ABCD3: variants seen among roughly 807,000 people sequenced by gnomAD.
The protein encoded by ABCD3 is ATP binding cassette subfamily D member 3, also known as ATP-binding cassette sub-family D member 3.
Under a neutral mutation model 105.5 loss-of-function variants are expected in ABCD3, and 41 were observed. That is an observed-to-expected ratio of 0.39 (90% CI 0.30 to 0.50). ABCD3 has a LOEUF of 0.50. Among genes scored for constraint, ABCD3 ranks in the 20% least tolerant of loss-of-function variants. The pLI, the probability that ABCD3 is intolerant of heterozygous loss-of-function variation, is 0.84. For missense variants in ABCD3, 622 were observed against 806.3 expected, an observed-to-expected ratio of 0.77 and a Z score of 2.77; for synonymous variants, 258 against 269.0, an observed-to-expected ratio of 0.96 and a Z score of 0.40.
intron 1 of ABCD3, among the ~76,000 whole-genome samples, chr1:94,451,073 C>A (rs191007684): frequency 2.2e-4 from 33 of 152,160 alleles, no homozygotes; most frequent in African/African-American, 7.7e-4. Context: ...TTAGAAATTT[C>A]ATTTGGTTTT....
At chr1:94,461,753 T>C (rs1291724229) in intron 2 of ABCD3, among the ~76,000 whole-genome samples, 1 of 152,170 alleles carries the variant, frequency 6.6e-6, no homozygotes, top group Non-Finnish European at 1.5e-5. Context: ...TATGGTATTA[T>C]AAACGAGTAC....
chr1:94,465,781 A>G (rs1308133920), intron 3 of ABCD3, among the ~76,000 whole-genome samples: 1 of 152,172 alleles, frequency 6.6e-6, no homozygotes, highest in African/African-American at 2.4e-5. Context: ...GATTATCTTC[A>G]TTATTTGATA....
intron 22 of ABCD3, 46 bp from the exon 23 acceptor site, chr1:94,517,006 T>C (rs1650949157): frequency 8.0e-7 from 1 of 1,252,762 alleles, no homozygotes; most frequent in African/African-American, 1.5e-5. Flanking sequence ...GACAGTACTA[T>C]ATTCACTCTT....
chr1:94,479,831 CCTTT>C (rs761244375), intron 8 of ABCD3, among the ~76,000 whole-genome samples: 14 of 151,872 alleles, frequency 9.2e-5, no homozygotes, highest in Non-Finnish European at 1.6e-4. Flanking sequence ...TTCAAGCATA[CCTTT>C]CTTTTTCTCT....
intron 16 of ABCD3, among the ~76,000 whole-genome samples, chr1:94,496,723 T>TTTTTTTTG (rs1649823689): frequency 1.1e-5 from 1 of 87,050 alleles, no homozygotes; most frequent in Non-Finnish European, 2.3e-5. Flanking sequence ...TTTTTTTTTT[T>TTTTTTTTG]GAATAGGATA....
chr1:94,446,797 A>C lies in ABCD3; in HGVS notation c.111-11810A>C, dbSNP rs188715623. On this transcript the variant is annotated intron_variant, in intron 1 of 22. Transcript: ENST00000370214. ...TAGTTGGAGTTGGTAAAGCCCCTGA[A>C]GTATATCAAAGTAGTTATATTTTGC... Among the ~76,000 whole-genome samples, 862 of 152,334 alleles carry C rather than the reference A, an allele frequency of 5.7e-3. 9 individuals are homozygous for C. The highest frequency in any genetic ancestry group is 0.02 in the African/African-American group (812 of 41,572).
intron 13 of ABCD3, among the ~76,000 whole-genome samples, chr1:94,488,948 G>A (rs1649402383): frequency 6.6e-6 from 1 of 151,372 alleles, no homozygotes; most frequent in Non-Finnish European, 1.5e-5. Context: ...TGACATATAA[G>A]AAACTGTTCA....
At position 94,498,772 on chromosome 1, in the gene ABCD3, CTCTT is replaced by C. The variant is rs1174278903; in HGVS notation, c.1465-9_1465-6del. The C allele has an allele frequency of 1.1e-5, 17 of 1,613,576 alleles. No individual in the cohort carries two copies. Among genetic ancestry groups the C allele is most frequent in the Non-Finnish European group, 1.4e-5 (16 of 1,179,786 alleles). ...TTACAATTGTTCTTCTCCCTTCTCT[CTCTT>C]TAATAGTTATGGCCTCTTTTTGGAG... On this transcript the variant is annotated splice_polypyrimidine_tract_variant and splice_region_variant and intron_variant, in intron 17 of 22. Transcript: ENST00000370214.
intron 13 of ABCD3, 78 bp from the exon 14 acceptor site, chr1:94,489,647 G>A (rs1158503985): frequency 5.1e-6 from 5 of 973,632 alleles, no homozygotes; most frequent in Middle Eastern, 2.9e-4. Flanking sequence ...ATAATTTTAG[G>A]AACTTCAGTT....
intron 1 of ABCD3, among the ~76,000 whole-genome samples, chr1:94,437,436 A>C (rs1659948129): frequency 6.6e-6 from 1 of 152,254 alleles, no homozygotes; most frequent in African/African-American, 2.4e-5. Context: ...TAAATGGAAC[A>C]ATAAAACCTG....
intron 1 of ABCD3, among the ~76,000 whole-genome samples, chr1:94,436,177 T>A (rs914707704): frequency 6.6e-6 from 1 of 152,212 alleles, no homozygotes; most frequent in African/African-American, 2.4e-5. Context: ...TTTCTAGGCT[T>A]TTCTTATGGA....
rs761600860 is a variant in ABCD3 at position 94,517,100 on chromosome 1, A to G, written c.1951A>G (p.Thr651Ala). The G allele has an allele frequency of 6.2e-7, 1 of 1,610,762 alleles. No homozygotes were observed. Among genetic ancestry groups the G allele is most frequent in the Admixed American group, 1.7e-5 (1 of 59,926 alleles). Residue 651 changes from threonine to alanine, a missense_variant, in exon 23 of 23, where the codon ACA (threonine) becomes GCA (alanine). Physicochemically the swap from Thr to Ala is moderately conservative, Grantham distance 58 (BLOSUM62 0). Transcript: ENST00000370214. ...AGGCAACTATGAATTCAAACAGATA[A>G]CAGAAGATACAGTTGAGTTTGGCTC... is the stretch of plus-strand genomic sequence containing the variant. The part of the protein sequence containing the change: ...GRGNYEFKQI[T>A]EDTVEFGS
intron 21 of ABCD3, among the ~76,000 whole-genome samples, chr1:94,509,993 G>T (rs1372923630): frequency 3.9e-5 from 6 of 151,940 alleles, no homozygotes; most frequent in Non-Finnish European, 8.8e-5. Flanking sequence ...ATTTCCTTCA[G>T]TTCTGCTCTG....
intron 4 of ABCD3, among the ~76,000 whole-genome samples, chr1:94,472,499 C>G (rs568689402): frequency 6.7e-6 from 1 of 149,642 alleles, no homozygotes; most frequent in South Asian, 2.1e-4. Flanking sequence ...GCTATATAAA[C>G]ATTGGAGTAT....
chr1:94,408,970 T>A, the ABCD3 span, among the ~76,000 whole-genome samples: 8 of 152,186 alleles, frequency 5.3e-5, no homozygotes, highest in African/African-American at 7.2e-5. Flanking sequence ...CCTATGCGCT[T>A]TCTTTTCCTT....
At chr1:94,428,149 T>C (rs1659541889) in intron 1 of ABCD3, among the ~76,000 whole-genome samples, 2 of 152,116 alleles carry the variant, frequency 1.3e-5, no homozygotes, top group South Asian at 4.1e-4. Flanking sequence ...ACACCTTTCT[T>C]ATCAGTTTGC....
intron 1 of ABCD3, among the ~76,000 whole-genome samples, chr1:94,423,007 T>C (rs913165324): frequency 1.8e-4 from 27 of 152,192 alleles, no homozygotes; most frequent in Admixed American, 1.5e-3. Flanking sequence ...ACCTGGCTAA[T>C]CTTATATGCC....
chr1:94,468,235 A>G (rs905749925), intron 4 of ABCD3, among the ~76,000 whole-genome samples: 12 of 152,218 alleles, frequency 7.9e-5, no homozygotes, highest in African/African-American at 2.9e-4. Context: ...AAACTGTACC[A>G]AGCCTTGCTG....
intron 6 of ABCD3, 135 bp from the exon 7 acceptor site, chr1:94,475,479 T>G (rs1648693155): frequency 2.2e-6 from 2 of 913,874 alleles, no homozygotes; most frequent in Non-Finnish European, 3.4e-6. Context: ...GTTAGGGCAA[T>G]CAATAGGATC....
Sources: allele counts gnomAD v4.1 joint callset (sites outside exome capture counted in the v4.1 genomes callset), GRCh38; gene constraint gnomAD v4.1.1; transcripts MANE v1.5; gene names NCBI Gene and HGNC (gene_info 2026-07-23, HGNC 2026-07-21).